Variants in SENP2 observed in about 807,000 individuals in gnomAD.
The protein encoded by SENP2 is sentrin-specific protease 2.
A neutral mutation model predicts 86.3 loss-of-function variants in SENP2; 16 were observed. The observed-to-expected ratio is 0.19, with a 90% confidence interval of 0.13 to 0.28. The LOEUF (loss-of-function observed/expected upper bound fraction) is 0.28. Ranked by LOEUF, SENP2 falls within the 10% of genes least tolerant of loss-of-function variation. SENP2 has a pLI of 1.00. For missense variants in SENP2, 552 were observed against 703.0 expected (o/e 0.79, Z 2.43); for synonymous variants, 222 against 238.7 (o/e 0.93, Z 0.64).
chr3:185,589,303 C>T (rs76152458), intron 1 of SENP2, among the ~76,000 whole-genome samples: 3,199 of 151,752 alleles, frequency 0.021, 121 homozygotes, highest in African/African-American at 0.074. Flanking sequence ...TTTTTAACTC[C>T]CTTACACACA....
intron 5 of SENP2, among the ~76,000 whole-genome samples, 186 bp downstream of exon 5, chr3:185,601,041 C>CTTTTTTTTTTTTTTTTT (rs11315344): frequency 1.3e-5 from 1 of 75,530 alleles, no homozygotes. Flanking sequence ...CTTTTCTTGT[C>CTTTTTTTTTTTTTTTTT]TTTTTTTTTT....
At chr3:185,606,613 C>A in intron 6 of SENP2, 115 bp downstream of exon 6, 2 of 897,290 alleles carry the variant, frequency 2.2e-6, no homozygotes, top group Non-Finnish European at 3.3e-6. Flanking sequence ...GGTTTTCCTA[C>A]AATACAGCCT....
At chr3:185,605,709 A>C (rs899578190) in intron 5 of SENP2, among the ~76,000 whole-genome samples, 1 of 151,960 alleles carries the variant, frequency 6.6e-6, no homozygotes, top group African/African-American at 2.4e-5. Flanking sequence ...TCATTTCAAA[A>C]GCATCACCCA....
At position 185,631,131 on chromosome 3, in the gene SENP2, C is replaced by T. The variant is rs1162551047; in HGVS notation, c.*1287C>T. On this transcript the variant is annotated 3_prime_UTR_variant, in exon 17 of 17. Coordinates refer to ENST00000296257, the MANE Select transcript of SENP2 (RefSeq NM_021627.3). ...ATGCTGAAATGATTTCTAACCCTCT[C>T]CCTACTTAAACCTCCCAGACTTGTT... The T allele has an allele frequency of 6.6e-6, 1 of 152,098 alleles. No individual in the cohort carries two copies. Among genetic ancestry groups the T allele is most frequent in the African/African-American group, 2.4e-5 (1 of 41,416 alleles). 9.4% of individuals were successfully genotyped at this position (152,098 alleles called of 1,614,324 possible). A position where few individuals can be genotyped will look rare whatever the true frequency, so the allele number is the denominator to read the frequency against.
At chr3:185,604,308 G>A (rs758743481) in intron 5 of SENP2, among the ~76,000 whole-genome samples, 7 of 152,006 alleles carry the variant, frequency 4.6e-5, no homozygotes, top group African/African-American at 1.2e-4. Context: ...GTATGATTTC[G>A]TTTCTTTTAA....
chr3:185,594,159 T>G (rs1722099459), intron 2 of SENP2, among the ~76,000 whole-genome samples: 1 of 151,728 alleles, frequency 6.6e-6, no homozygotes, highest in South Asian at 2.1e-4. Flanking sequence ...TGTACTTGGA[T>G]GTGGTTAAAA....
In SENP2 at chr3:185,626,409, C is replaced by G. The variant is rs774762383; in HGVS notation, c.1707+16C>G. On this transcript the variant is annotated intron_variant, in intron 16 of 16. Transcript: ENST00000296257. ...ATTTACTCAGGTGAGTGAAGACCCTCTTCATCCATTTACTTGTTACTAAGC... is the reference window on the plus strand; with the variant it reads ...ATTTACTCAGGTGAGTGAAGACCCTGTTCATCCATTTACTTGTTACTAAGC... 1.3e-6 allele frequency: 2 copies of G among 1,532,596 alleles called. No individual in the cohort carries two copies. The highest frequency in any genetic ancestry group is 2.7e-5 in the African/African-American group (2 of 73,384). The allele number at this position is 1,532,596 out of a possible 1,614,324, so 94.9% of individuals were successfully genotyped here.
At chr3:185,596,227 G>A (rs915465323) in intron 2 of SENP2, among the ~76,000 whole-genome samples, 1 of 152,206 alleles carries the variant, frequency 6.6e-6, no homozygotes, top group East Asian at 1.9e-4. Context: ...GCCTCCCAAA[G>A]TGCTGGGATT....
chr3:185,593,873 C>T (rs376766311), intron 2 of SENP2, among the ~76,000 whole-genome samples: 5 of 151,702 alleles, frequency 3.3e-5, no homozygotes, highest in Admixed American at 6.6e-5. Flanking sequence ...GGATTACAGG[C>T]GCCCACCACT....
chr3:185,593,118 G>A (rs923797469), intron 2 of SENP2, among the ~76,000 whole-genome samples: 1 of 152,170 alleles, frequency 6.6e-6, no homozygotes, highest in African/African-American at 2.4e-5. Flanking sequence ...AGGTCTTGAA[G>A]GATGGATAGG....
intron 5 of SENP2, among the ~76,000 whole-genome samples, chr3:185,601,277 T>C (rs527558068): frequency 6.6e-6 from 1 of 152,200 alleles, no homozygotes; most frequent in Admixed American, 6.5e-5. Context: ...ACTCCTGACC[T>C]CAGGTAATCC....
intron 2 of SENP2, among the ~76,000 whole-genome samples, chr3:185,596,505 C>T (rs1722177822): frequency 6.6e-6 from 1 of 151,810 alleles, no homozygotes; most frequent in African/African-American, 2.4e-5. Flanking sequence ...CCTGTGATCC[C>T]AGCTACTCAG....
At chr3:185,598,279 T>C in intron 2 of SENP2, 133 bp from the exon 3 acceptor site, 1 of 929,058 alleles carries the variant, frequency 1.1e-6, no homozygotes. Flanking sequence ...GTGTTGGGAT[T>C]ACAGGTGTGA....
chr3:185,599,264 T>A (rs1218129734), intron 4 of SENP2, among the ~76,000 whole-genome samples: 1 of 152,182 alleles, frequency 6.6e-6, no homozygotes, highest in Non-Finnish European at 1.5e-5. Context: ...TTAAAAAGGT[T>A]CATTCATTTA....
intron 2 of SENP2, 70 bp from the exon 3 acceptor site, chr3:185,598,342 C>T (rs1179112548): frequency 6.7e-7 from 1 of 1,500,882 alleles, no homozygotes; most frequent in African/African-American, 1.4e-5. Context: ...GAGGCTCTTT[C>T]CAAGATATCA....
intron 6 of SENP2, among the ~76,000 whole-genome samples, chr3:185,607,046 G>A (rs1206451820): frequency 2.0e-5 from 3 of 150,082 alleles, no homozygotes; most frequent in Non-Finnish European, 4.4e-5. Flanking sequence ...CAGTGGTGCC[G>A]TCTTGGCTCA....
At chr3:185,623,321 G>A (rs1181945422) in intron 14 of SENP2, among the ~76,000 whole-genome samples, 1 of 151,386 alleles carries the variant, frequency 6.6e-6, no homozygotes, top group Non-Finnish European at 1.5e-5. Context: ...TGTATTTTTA[G>A]TAGAGATGAG....
chr3:185,632,237 G>GTTTTT lies in SENP2; in HGVS notation c.*2407_*2411dup, dbSNP rs71627028. The GTTTTT allele has an allele frequency of 3.8e-4, 24 of 63,464 alleles. No homozygotes were observed. The highest frequency in any genetic ancestry group is 6.2e-4 in the African/African-American group (9 of 14,542). The allele number at this position is 63,464 out of a possible 1,614,324, so 3.9% of individuals were successfully genotyped here. A position where few individuals can be genotyped will look rare whatever the true frequency, so the allele number is the denominator to read the frequency against. ...GGTTTTTTTTTTGTTTTTTTTTTTT[G>GTTTTT]TTTTTTTTTTTTTTTTTTGCGACAG... On this transcript the variant is annotated 3_prime_UTR_variant, in exon 17 of 17. Transcript: ENST00000296257.
Position 185,619,479 on chromosome 3 carries a change from C to T in SENP2, c.1423C>T (p.Arg475Trp), listed in dbSNP as rs375476062. The T allele has an allele frequency of 3.7e-6, 6 of 1,613,910 alleles. No individual in the cohort carries two copies. Among genetic ancestry groups the T allele is most frequent in the South Asian group, 1.1e-5 (1 of 91,080 alleles). ...EQEIILVPIH[R>W]KVHWSLVVID... Reference sequence around the variant, plus strand: ...AGAAATTATTCTGGTGCCTATTCATCGGAAGGTACATTGGAGCCTGGTGGT... The same window carrying T: ...AGAAATTATTCTGGTGCCTATTCATTGGAAGGTACATTGGAGCCTGGTGGT... Residue 475 changes from arginine to tryptophan, a missense_variant, in exon 13 of 17, where the codon CGG becomes TGG. Arg to Trp is a moderately radical substitution (Grantham distance 101). Coordinates refer to ENST00000296257, the MANE Select transcript of SENP2 (RefSeq NM_021627.3).
Sources: gnomAD v4.1 joint callset for allele counts (sites outside exome capture counted in the v4.1 genomes callset) on GRCh38, gnomAD v4.1.1 for gene constraint, MANE v1.5 for transcripts, NCBI Gene and HGNC (gene_info 2026-07-23, HGNC 2026-07-21) for gene names.